GXYLT1: variants seen among roughly 807,000 people sequenced by gnomAD.
The protein encoded by GXYLT1 is glucoside xylosyltransferase 1.
GXYLT1 carries 29 observed loss-of-function variants against 54.0 expected under a neutral mutation model. That is an observed-to-expected ratio of 0.54 (90% confidence interval 0.40 to 0.73). The LOEUF (loss-of-function observed/expected upper bound fraction) is 0.73, where lower values mean the gene tolerates loss of function less well. GXYLT1 is among the 30% of genes least tolerant of loss of function. The pLI, the probability that GXYLT1 is intolerant of heterozygous loss-of-function variation, is 0.00. For synonymous variants in GXYLT1, 176 were observed against 204.1 expected (o/e 0.86, Z 1.17); for missense variants, 490 against 553.4 (o/e 0.89, Z 1.15).
intron 2 of GXYLT1, among the ~76,000 whole-genome samples, chr12:42,125,594 G>T (rs2065556083): frequency 6.6e-6 from 1 of 152,188 alleles, no homozygotes; most frequent in Non-Finnish European, 1.5e-5. Flanking sequence ...GAAAAAGGAA[G>T]TAGTAAACAG....
chr12:42,099,032 C>A (rs556348258), intron 5 of GXYLT1, among the ~76,000 whole-genome samples: 5 of 152,080 alleles, frequency 3.3e-5, no homozygotes, highest in Non-Finnish European at 7.4e-5. Flanking sequence ...TAAACTCTCA[C>A]CATCCCAGAG....
intron 3 of GXYLT1, among the ~76,000 whole-genome samples, chr12:42,114,062 A>G (rs1196492618): frequency 6.6e-6 from 1 of 152,252 alleles, no homozygotes; most frequent in African/African-American, 2.4e-5. Context: ...GCAGAAATAA[A>G]CATGTTCTTT....
intron 3 of GXYLT1, among the ~76,000 whole-genome samples, chr12:42,114,103 C>T (rs552802016): frequency 2.0e-5 from 3 of 152,094 alleles, no homozygotes; most frequent in Non-Finnish European, 4.4e-5. Flanking sequence ...CACAACATAC[C>T]AGAATCTCTG....
At chr12:42,114,898 C>G (rs974728594) in intron 3 of GXYLT1, among the ~76,000 whole-genome samples, 4 of 151,848 alleles carry the variant, frequency 2.6e-5, no homozygotes, top group East Asian at 3.9e-4. Flanking sequence ...ACTGGCAAAC[C>G]GAATCCAGCA....
chr12:42,112,332 T>C (rs1238386910), intron 3 of GXYLT1, among the ~76,000 whole-genome samples: 1 of 151,902 alleles, frequency 6.6e-6, no homozygotes, highest in African/African-American at 2.4e-5. Context: ...CTTCAGAAGA[T>C]CAAACTACTC....
At chr12:42,109,732 A>AT (rs1458920131) in intron 3 of GXYLT1, 41 bp from the exon 4 acceptor site, 3 of 1,290,698 alleles carry the variant, frequency 2.3e-6, no homozygotes, top group South Asian at 2.8e-5. Flanking sequence ...TTCACTCTGA[A>AT]TTTTCTCTGT....
At chr12:42,111,712 G>C (rs1020751835) in intron 3 of GXYLT1, among the ~76,000 whole-genome samples, 8 of 152,204 alleles carry the variant, frequency 5.3e-5, no homozygotes, top group Non-Finnish European at 1.0e-4. Flanking sequence ...TCTGGGGGCA[G>C]GGCACGGACA....
rs1457669237 is a variant in GXYLT1 at position 42,084,340 on chromosome 12, A to T, written c.*3446T>A. The T allele has an allele frequency of 1.3e-5, 2 of 152,264 alleles. No individual in the cohort carries two copies. The highest frequency in any genetic ancestry group is 3.9e-4 in the East Asian group (2 of 5,174). The allele number at this position is 152,264 out of a possible 1,614,324, so 9.4% of individuals were successfully genotyped here. On this transcript the variant is annotated 3_prime_UTR_variant, in exon 8 of 8. Coordinates refer to ENST00000398675, the MANE Select transcript of GXYLT1 (RefSeq NM_173601.2). ...CCTTCTTTTTTGATTTAGTTACATC[A>T]TTCTTTTCTTCTCTACTTTCTCTTC... is the stretch of plus-strand genomic sequence containing the variant.
intron 2 of GXYLT1, among the ~76,000 whole-genome samples, chr12:42,128,298 T>C (rs1183536405): frequency 6.6e-6 from 1 of 152,196 alleles, no homozygotes; most frequent in African/African-American, 2.4e-5. Flanking sequence ...GATAAACATG[T>C]TAATGAGCTT....
chr12:42,139,565 T>A (rs2065640022), intron 1 of GXYLT1, among the ~76,000 whole-genome samples: 1 of 152,162 alleles, frequency 6.6e-6, no homozygotes. Context: ...TGGGTCCTCA[T>A]CAGACACTGA....
At chr12:42,112,610 G>A (rs7970895) in intron 3 of GXYLT1, among the ~76,000 whole-genome samples, 3,686 of 152,142 alleles carry the variant, frequency 0.024, 154 homozygotes, top group African/African-American at 0.083. Context: ...AAAAAGAAAC[G>A]AACACAGCCT....
At position 42,087,754 on chromosome 12, in the gene GXYLT1, T is replaced by C. The variant is rs1423251095; in HGVS notation, c.*32A>G. On this transcript the variant is annotated 3_prime_UTR_variant, in exon 8 of 8. Coordinates refer to ENST00000398675, the MANE Select transcript of GXYLT1 (RefSeq NM_173601.2). ...TCACACTTATCTTCTGATTCTTTGT[T>C]TTCATCCATTTGATTAAGCAGTCAC... 4 of 1,494,246 alleles carry C rather than the reference T, an allele frequency of 2.7e-6. No homozygotes were observed. The highest frequency in any genetic ancestry group is 3.7e-6 in the Non-Finnish European group (4 of 1,088,138). 92.6% of individuals were successfully genotyped at this position (1,494,246 alleles called of 1,614,324 possible).
chr12:42,140,868 G>T (rs1005306516), intron 1 of GXYLT1, among the ~76,000 whole-genome samples: 1 of 152,138 alleles, frequency 6.6e-6, no homozygotes, highest in Non-Finnish European at 1.5e-5. Context: ...TCAATGTCAG[G>T]ACTCATCAGT....
chr12:42,110,850 T>C (rs1033890835), intron 3 of GXYLT1, among the ~76,000 whole-genome samples: 2 of 152,242 alleles, frequency 1.3e-5, no homozygotes, highest in Non-Finnish European at 2.9e-5. Context: ...TGCTCTTTCA[T>C]GTACTAAAAG....
intron 2 of GXYLT1, among the ~76,000 whole-genome samples, chr12:42,123,991 C>T (rs766940407): frequency 1.0e-4 from 15 of 146,280 alleles, no homozygotes; most frequent in Middle Eastern, 7.9e-3. Context: ...TCATACCAGG[C>T]AAAATTACTT....
chr12:42,125,533 G>C (rs2065555620), intron 2 of GXYLT1, among the ~76,000 whole-genome samples: 1 of 152,162 alleles, frequency 6.6e-6, no homozygotes, highest in Admixed American at 6.5e-5. Context: ...AGAGATCAAA[G>C]AGCTGAGTAA....
At position 42,085,548 on chromosome 12, in the gene GXYLT1, T is replaced by C. The variant is rs1327572917; in HGVS notation, c.*2238A>G. On this transcript the variant is annotated 3_prime_UTR_variant, in exon 8 of 8. Coordinates refer to ENST00000398675, the MANE Select transcript of GXYLT1 (RefSeq NM_173601.2). The stretch of plus-strand genomic sequence containing the variant: ...TATAATCCACCAAACGTGCCAAGAA[T>C]TGTGGTATCCTAACTTGAACTTTCA... The C allele has an allele frequency of 6.6e-6, 1 of 151,996 alleles. No homozygotes were observed. Among genetic ancestry groups the C allele is most frequent in the African/African-American group, 2.4e-5 (1 of 41,386 alleles). The allele number at this position is 151,996 out of a possible 1,614,324, so 9.4% of individuals were successfully genotyped here.
chr12:42,107,070 T>A (rs1252567374), intron 4 of GXYLT1, among the ~76,000 whole-genome samples: 1 of 152,154 alleles, frequency 6.6e-6, no homozygotes, highest in Non-Finnish European at 1.5e-5. Flanking sequence ...CATTTCTGCC[T>A]TACCCATGAA....
chr12:42,132,947 T>C (rs1357220982), intron 1 of GXYLT1, among the ~76,000 whole-genome samples: 3 of 152,044 alleles, frequency 2.0e-5, no homozygotes, highest in Non-Finnish European at 2.9e-5. Context: ...AGGTGCCAAG[T>C]ATGGTGGATT....
Sources: allele counts gnomAD v4.1 joint callset (sites outside exome capture counted in the v4.1 genomes callset), GRCh38; gene constraint gnomAD v4.1.1; transcripts MANE v1.5; gene names NCBI Gene and HGNC (gene_info 2026-07-23, HGNC 2026-07-21).